The following PNPLA7 variants were observed in gnomAD, a reference collection of about 807,000 sequenced individuals.
PNPLA7 encodes the protein patatin like domain 7, lysophospholipase.
Under a neutral mutation model 161.7 loss-of-function variants are expected in PNPLA7, and 153 were observed. The ratio of observed to expected loss-of-function variants is 0.95; its 90% confidence interval spans 0.83 to 1.08. The LOEUF (loss-of-function observed/expected upper bound fraction) is 1.08, where lower values mean the gene tolerates loss of function less well. PNPLA7 is among the 50% of genes least tolerant of loss of function. The probability of loss-of-function intolerance (pLI) is 0.00; values close to 1 mark genes in which losing one functional copy is unlikely to be tolerated. For synonymous variants in PNPLA7, 809 were observed against 782.1 expected, an observed-to-expected ratio of 1.03 and a Z score of -0.57; for missense variants, 1,739 against 1,856.6, an observed-to-expected ratio of 0.94 and a Z score of 1.16.
chr9:137,482,984 T>G (rs1416001572), intron 21 of PNPLA7, among the ~76,000 whole-genome samples: 1 of 152,164 alleles, frequency 6.6e-6, no homozygotes, highest in African/African-American at 2.4e-5. Flanking sequence ...GCGATTCTCC[T>G]GCCTCAGCCT....
At chr9:137,522,676 C>A in intron 9 of PNPLA7, 53 bp downstream of exon 9, 3 of 1,600,040 alleles carry the variant, frequency 1.9e-6, no homozygotes, top group East Asian at 2.2e-5. Flanking sequence ...GTGCCCAGGC[C>A]CCCCCAGGGT....
In PNPLA7 at chr9:137,544,193, C is replaced by G. The variant is rs150786745; in HGVS notation, c.274-378G>C. On this transcript the variant is annotated intron_variant, in intron 4 of 34. Coordinates refer to ENST00000406427, the MANE Select transcript of PNPLA7 (RefSeq NM_001098537.3). ...CCACTGTCCCCACCGACCTTCCCCC[C>G]CAACTTCCCCTCTGACCTGGGGCCA... 4.2e-4 allele frequency among the ~76,000 whole-genome samples: 64 copies of G among 152,388 alleles called. 1 individual carries two copies. The East Asian group carries it at 9.6e-3, about 23-fold the overall frequency.
intron 1 of PNPLA7, among the ~76,000 whole-genome samples, chr9:137,549,416 AAAT>A (rs1421866943): frequency 2.6e-5 from 4 of 151,958 alleles, no homozygotes; most frequent in Admixed American, 6.6e-5. Flanking sequence ...AAATACAAAA[AAAT>A]ATTAGCCGGG....
At position 137,524,588 on chromosome 9, in the gene PNPLA7, G is replaced by C. The variant is rs1395271414; in HGVS notation, c.748-1731C>G. On this transcript the variant is annotated intron_variant, in intron 8 of 34. Coordinates refer to ENST00000406427, the MANE Select transcript of PNPLA7 (RefSeq NM_001098537.3). The surrounding 1 kb of genome is among the most constrained non-coding windows in gnomAD (Gnocchi z 4.4). ...CCTCTTGCTAAATACCTAGGGATGG[G>C]ACTTGTAGGTTGTACGGAACACGTA... Among the ~76,000 whole-genome samples, 3 of 152,258 alleles carry C rather than the reference G, an allele frequency of 2.0e-5. No homozygotes were observed. Among genetic ancestry groups the C allele is most frequent in the Non-Finnish European group, 4.4e-5 (3 of 68,052 alleles).
intron 21 of PNPLA7, among the ~76,000 whole-genome samples, chr9:137,482,041 A>G (rs1203102060): frequency 6.6e-6 from 1 of 152,226 alleles, no homozygotes; most frequent in African/African-American, 2.4e-5. Context: ...CAACTGAACT[A>G]GAATGCCCCC....
chr9:137,509,294 AAGTGAGTTTAGCTGGTGTG>A (rs1259327216), intron 12 of PNPLA7: 7 of 145,712 alleles, frequency 4.8e-5, no homozygotes, highest in African/African-American at 1.6e-4. Flanking sequence ...TAGCTGGTAC[AAGTGAGTTTAGCTGGTGTG>A]AGTGAGTTTA....
At position 137,543,502 on chromosome 9, in the gene PNPLA7, C is replaced by T. The variant is rs748237369; in HGVS notation, c.436G>A (p.Asp146Asn). Residue 146 changes from aspartate (D) to asparagine (N), a missense_variant, in exon 6 of 35, where the codon GAC becomes AAC. Physicochemically the swap from Asp to Asn is conservative, Grantham distance 23 (BLOSUM62 1). Around this residue, in one of 6 missense-constraint regions of PNPLA7, gnomAD observed 209 missense variants for 252.8 expected, o/e 0.83. Transcript: ENST00000406427. The surrounding 1 kb of genome is among the most constrained non-coding windows in gnomAD (Gnocchi z 6.9). ...TTCTTCACGTCAAACTCCGTGAGGT[C>T]GGCCTCCAGCAGGGAGGGCGGGGGC... The part of the protein sequence containing the change: ...KEPPPSLLEA[D>N]LTEFDVKNSH... The T allele has an allele frequency of 1.9e-5, 30 of 1,613,954 alleles. No individual in the cohort carries two copies. The highest frequency in any genetic ancestry group is 1.6e-4 in the East Asian group (7 of 44,888).
chr9:137,507,935 GTAATCCCA>G (rs1241534930), intron 12 of PNPLA7, among the ~76,000 whole-genome samples: 1 of 152,140 alleles, frequency 6.6e-6, no homozygotes, highest in Non-Finnish European at 1.5e-5. Context: ...GCTCATGCCT[GTAATCCCA>G]GCACTTTCAG....
chr9:137,512,852 A>C lies in PNPLA7; in HGVS notation c.1225+2527T>G, dbSNP rs888750217. ...CAGTGGTGTGCCTGTACTCCCAACT[A>C]CTCAGGAGGCTGAGGTGGGAAGATC... On this transcript the variant is annotated intron_variant, in intron 12 of 34. Transcript: ENST00000406427. Among the ~76,000 whole-genome samples the C allele has an allele frequency of 2.6e-5, 4 of 151,638 alleles. No individual in the cohort carries two copies. The East Asian group carries it at 7.7e-4, about 29-fold the overall frequency.
At chr9:137,466,097 G>A (rs1042676814) in intron 26 of PNPLA7, among the ~76,000 whole-genome samples, 2 of 152,134 alleles carry the variant, frequency 1.3e-5, no homozygotes, top group Non-Finnish European at 2.9e-5. Flanking sequence ...AACCCAGGCC[G>A]GGTGCCATGC....
At position 137,540,830 on chromosome 9, in the gene PNPLA7, T is replaced by C; in HGVS notation, c.667-108A>G. 1 of 907,944 alleles carries C rather than the reference T, an allele frequency of 1.1e-6. No individual in the cohort carries two copies. The highest frequency in any genetic ancestry group is 1.7e-6 in the Non-Finnish European group (1 of 578,230). The allele number at this position is 907,944 out of a possible 1,614,324, so 56.2% of individuals were successfully genotyped here. ...CAGTGGGGCCACGGGCCTGCACCTCTGAGGCGCCATGAGAGCAGCAGGCAC... is the reference window on the plus strand; with the variant it reads ...CAGTGGGGCCACGGGCCTGCACCTCCGAGGCGCCATGAGAGCAGCAGGCAC... On this transcript the variant is annotated intron_variant, in intron 7 of 34. Coordinates refer to ENST00000406427, the MANE Select transcript of PNPLA7 (RefSeq NM_001098537.3). This position sits in a 1 kb window ranked among gnomAD's most constrained non-coding sequence, Gnocchi z 5.1.
chr9:137,493,109 C>T, intron 19 of PNPLA7, 27 bp from the exon 20 acceptor site: 1 of 1,612,322 alleles, frequency 6.2e-7, no homozygotes, highest in South Asian at 1.1e-5. Context: ...GAGCCAAGAG[C>T]CACACGTTTT....
chr9:137,508,506 G>A (rs1218798737), intron 12 of PNPLA7, among the ~76,000 whole-genome samples: 1 of 151,982 alleles, frequency 6.6e-6, no homozygotes, highest in Non-Finnish European at 1.5e-5. Context: ...GATGGAGCTT[G>A]CAGTGAGCTG....
At chr9:137,513,046 G>A (rs1385244164) in intron 12 of PNPLA7, among the ~76,000 whole-genome samples, 1 of 151,790 alleles carries the variant, frequency 6.6e-6, no homozygotes, top group African/African-American at 2.4e-5. Context: ...AAAAAAGCAA[G>A]AGAGAGATGA....
chr9:137,511,090 C>G (rs1834201875), intron 12 of PNPLA7, among the ~76,000 whole-genome samples: 1 of 152,252 alleles, frequency 6.6e-6, no homozygotes, highest in Admixed American at 6.5e-5. Flanking sequence ...CAGATAAGGG[C>G]CGCTTGAGGG....
chr9:137,492,319 TCCA>T (rs1184637521), intron 20 of PNPLA7: 1 of 984,892 alleles, frequency 1.0e-6, no homozygotes, highest in Non-Finnish European at 1.2e-6. Flanking sequence ...GTTTCCTTTT[TCCA>T]ATCAGCTGAC....
Position 137,460,323 on chromosome 9 carries a change from T to C in PNPLA7, c.*70A>G. The C allele has an allele frequency of 1.3e-6, 2 of 1,487,084 alleles. No homozygotes were observed. Among genetic ancestry groups the C allele is most frequent in the Non-Finnish European group, 1.8e-6 (2 of 1,087,656 alleles). The allele number at this position is 1,487,084 out of a possible 1,614,324, so 92.1% of individuals were successfully genotyped here. A position where few individuals can be genotyped will look rare whatever the true frequency, so the allele number is the denominator to read the frequency against. On this transcript the variant is annotated 3_prime_UTR_variant, in exon 35 of 35. Coordinates refer to ENST00000406427, the MANE Select transcript of PNPLA7 (RefSeq NM_001098537.3). ...GGGCAGGTACAGAGGCCCCTAGGAC[T>C]TGGCAGGAGCCTCAGCCTTGGGGAC...
intron 19 of PNPLA7, among the ~76,000 whole-genome samples, chr9:137,494,168 A>G (rs1180975082): frequency 6.6e-6 from 1 of 152,074 alleles, no homozygotes; most frequent in East Asian, 1.9e-4. Context: ...CTGGCTGATG[A>G]ACAACTGCAG....
intron 8 of PNPLA7, among the ~76,000 whole-genome samples, chr9:137,529,920 A>G (rs936086196): frequency 1.3e-5 from 2 of 151,460 alleles, no homozygotes; most frequent in Non-Finnish European, 2.9e-5. Context: ...CAGCCTCCCA[A>G]AGTGCTGGGA....
Sources: allele counts gnomAD v4.1 joint callset (sites outside exome capture counted in the v4.1 genomes callset), GRCh38; gene constraint gnomAD v4.1.1; regional missense constraint gnomAD v4.1.1; non-coding constraint Gnocchi (gnomAD v3.1); transcripts MANE v1.5; gene names NCBI Gene and HGNC (gene_info 2026-07-23, HGNC 2026-07-21).